The following PCDHGA4 variants were observed in gnomAD, a reference collection of about 807,000 sequenced individuals.
The protein encoded by PCDHGA4 is protocadherin gamma-A4.
Under a neutral mutation model 54.6 loss-of-function variants are expected in PCDHGA4, and 38 were observed. That is an observed-to-expected ratio of 0.70 (90% confidence interval 0.54 to 0.91). The LOEUF is 0.91. Ranked by LOEUF, PCDHGA4 falls within the 40% of genes least tolerant of loss-of-function variation. The pLI is 0.00. For missense variants in PCDHGA4, 1,298 were observed against 1,220.9 expected (o/e 1.06, Z -0.94); for synonymous variants, 511 against 512.9 (o/e 1.00, Z 0.05).
In PCDHGA4 at chr5:141,511,335, A is replaced by T; in HGVS notation, c.*162A>T. 7.0e-7 allele frequency: 1 copy of T among 1,438,820 alleles called. No homozygotes were observed. The highest frequency in any genetic ancestry group is 9.2e-7 in the Non-Finnish European group (1 of 1,083,596). The allele number at this position is 1,438,820 out of a possible 1,614,324, so 89.1% of individuals were successfully genotyped here. A position where few individuals can be genotyped will look rare whatever the true frequency, so the allele number is the denominator to read the frequency against. On this transcript the variant is annotated 3_prime_UTR_variant, in exon 4 of 4. Coordinates refer to ENST00000571252, the MANE Select transcript of PCDHGA4 (RefSeq NM_018917.4). ...AAACAGAAACAAGTGCCCAGTCAGC[A>T]CCTACCCCTTCCCCCCCAGGGGGTT...
intron 1 of PCDHGA4, chr5:141,440,968 T>A (rs1487107428): frequency 6.6e-6 from 1 of 152,198 alleles, no homozygotes; most frequent in African/African-American, 2.4e-5. Flanking sequence ...AGATCACATA[T>A]GGCTTCACAA....
intron 1 of PCDHGA4, chr5:141,366,262 G>A: frequency 6.2e-7 from 1 of 1,613,718 alleles, no homozygotes; most frequent in Non-Finnish European, 8.5e-7. Flanking sequence ...GCCTCGTGGT[G>A]GCCGTCGAAG....
chr5:141,408,636 C>T (rs1236637669), intron 1 of PCDHGA4: 2 of 1,614,024 alleles, frequency 1.2e-6, no homozygotes. Flanking sequence ...ATTTTCGAAT[C>T]TGCATCCGCT....
intron 1 of PCDHGA4, chr5:141,442,491 T>G (rs1438583747): frequency 6.6e-6 from 1 of 152,236 alleles, no homozygotes; most frequent in Non-Finnish European, 1.5e-5. Flanking sequence ...AGGGGATGAT[T>G]GTGATTATTC....
At chr5:141,394,801 C>A in intron 1 of PCDHGA4, 2 of 1,613,838 alleles carry the variant, frequency 1.2e-6, no homozygotes, top group Non-Finnish European at 1.7e-6. Flanking sequence ...CTCACCGTAG[C>A]CGTGGCTGAC....
intron 1 of PCDHGA4, chr5:141,419,364 C>T (rs1360235541): frequency 1.1e-5 from 18 of 1,613,690 alleles, no homozygotes; most frequent in Non-Finnish European, 1.3e-5. Flanking sequence ...CGAACGCTGT[C>T]GTCCTACGTG....
intron 1 of PCDHGA4, chr5:141,362,449 C>G: frequency 6.2e-7 from 1 of 1,614,006 alleles, no homozygotes; most frequent in Non-Finnish European, 8.5e-7. Context: ...GAACATAACC[C>G]CGGAATTGGT....
chr5:141,398,691 T>C, intron 1 of PCDHGA4: 1 of 1,613,876 alleles, frequency 6.2e-7, no homozygotes, highest in Non-Finnish European at 8.5e-7. Flanking sequence ...AACAGGATGG[T>C]AGTAAATACC....
Position 141,489,169 on chromosome 5 carries a change from C to T in PCDHGA4, c.2515-5638C>T. On this transcript the variant is annotated intron_variant, in intron 1 of 3. Coordinates refer to ENST00000571252, the MANE Select transcript of PCDHGA4 (RefSeq NM_018917.4). This position sits in a 1 kb window ranked among gnomAD's most constrained non-coding sequence, Gnocchi z 4.5. ...GAGACATAAGAGACTTCAGCTGCTG[C>T]ATTCCAAGCCCTGGGTCTACCTTGG... 3 of 1,124,648 alleles carry T rather than the reference C, an allele frequency of 2.7e-6. No individual in the cohort carries two copies. The highest frequency in any genetic ancestry group is 3.8e-6 in the Non-Finnish European group (3 of 783,910). The allele number at this position is 1,124,648 out of a possible 1,614,324, so 69.7% of individuals were successfully genotyped here. A position where few individuals can be genotyped will look rare whatever the true frequency, so the allele number is the denominator to read the frequency against.
At chr5:141,497,479 G>A (rs1028715475) in intron 2 of PCDHGA4, among the ~76,000 whole-genome samples, 5 of 151,886 alleles carry the variant, frequency 3.3e-5, no homozygotes, top group Non-Finnish European at 7.4e-5. Flanking sequence ...GAGAAGGTGC[G>A]GAACCTCTCT....
intron 1 of PCDHGA4, chr5:141,413,247 CGGGATTCCAT>C: frequency 6.2e-7 from 1 of 1,613,940 alleles, no homozygotes; most frequent in South Asian, 1.1e-5. Flanking sequence ...GCCTTTTCTT[CGGGATTCCAT>C]GGGAGGCTGG....
Position 141,356,927 on chromosome 5 carries a change from A to G in PCDHGA4, c.1820A>G (p.Glu607Gly), listed in dbSNP as rs370703774. The G allele has an allele frequency of 5.0e-6, 8 of 1,614,044 alleles. No homozygotes were observed. The highest frequency in any genetic ancestry group is 1.1e-5 in the South Asian group (1 of 91,086). Residue 607 changes from glutamate to glycine, a missense_variant, in exon 1 of 4, where the codon GAG becomes GGG. Coordinates refer to ENST00000571252, the MANE Select transcript of PCDHGA4 (RefSeq NM_018917.4). ...TFPTDGSTGV[E>G]LAPRSADSGY... Reference sequence around the variant, plus strand: ...CCTACTGATGGCTCCACTGGTGTGGAGCTGGCACCCCGCTCCGCAGATTCC... The same window carrying G: ...CCTACTGATGGCTCCACTGGTGTGGGGCTGGCACCCCGCTCCGCAGATTCC...
At chr5:141,372,216 A>G (rs1768504235) in intron 1 of PCDHGA4, 8 of 1,613,520 alleles carry the variant, frequency 5.0e-6, no homozygotes, top group Non-Finnish European at 5.1e-6. Flanking sequence ...GTCCTACCAC[A>G]TTGTGCAGGC....
At position 141,486,735 on chromosome 5, in the gene PCDHGA4, G is replaced by T; in HGVS notation, c.2515-8072G>T. 6.2e-7 allele frequency: 1 copy of T among 1,614,176 alleles called. No individual in the cohort carries two copies. The highest frequency in any genetic ancestry group is 1.1e-5 in the South Asian group (1 of 91,086). On this transcript the variant is annotated intron_variant, in intron 1 of 3. Coordinates refer to ENST00000571252, the MANE Select transcript of PCDHGA4 (RefSeq NM_018917.4). The surrounding 1 kb of genome is among the most constrained non-coding windows in gnomAD (Gnocchi z 5.0). Reference sequence around the variant, plus strand: ...CAGACAGGAGCTGTTCATGCTACTCGATCCTTTGACTATGAGCAAACCCAG... The same window carrying T: ...CAGACAGGAGCTGTTCATGCTACTCTATCCTTTGACTATGAGCAAACCCAG...
intron 1 of PCDHGA4, among the ~76,000 whole-genome samples, chr5:141,456,765 C>A (rs1468235444): frequency 2.0e-5 from 3 of 151,852 alleles, no homozygotes; most frequent in Non-Finnish European, 2.9e-5. Context: ...GAGTTTGAGA[C>A]CAGCCTGGCC....
intron 1 of PCDHGA4, chr5:141,385,530 A>T (rs1020257746): frequency 2.5e-4 from 336 of 1,356,078 alleles, no homozygotes; most frequent in Non-Finnish European, 2.9e-4. Flanking sequence ...GGACAAGATT[A>T]TGAATATGTG....
rs749528675 is a variant in PCDHGA4, at chr5:141,490,604, A to G, written c.2515-4203A>G. On this transcript the variant is annotated intron_variant, in intron 1 of 3. Coordinates refer to ENST00000571252, the MANE Select transcript of PCDHGA4 (RefSeq NM_018917.4). This position sits in a 1 kb window ranked among gnomAD's most constrained non-coding sequence, Gnocchi z 5.4. ...GTCAATGACAATGCACCCCGCTTCA[A>G]CCAGCAGCTTTACACTGCTTACATC... is the stretch of plus-strand genomic sequence containing the variant. 13 of 1,614,192 alleles carry G rather than the reference A, an allele frequency of 8.1e-6. No homozygotes were observed. Among genetic ancestry groups the G allele is most frequent in the Non-Finnish European group, 1.1e-5 (13 of 1,180,022 alleles).
Position 141,356,057 on chromosome 5 carries a change from A to T in PCDHGA4, c.950A>T (p.Asp317Val). 6.2e-7 allele frequency: 1 copy of T among 1,613,942 alleles called. No homozygotes were observed. The highest frequency in any genetic ancestry group is 1.6e-4 in the Middle Eastern group (1 of 6,062). Reference protein sequence around the residue: ...DVTYSFRKVRDKISQLFQLNS... With the variant: ...DVTYSFRKVRVKISQLFQLNS... ...ACGTATTCTTTCCGGAAAGTAAGAGACAAAATATCACAGCTATTTCAGTTG... is the reference window on the plus strand; with the variant it reads ...ACGTATTCTTTCCGGAAAGTAAGAGTCAAAATATCACAGCTATTTCAGTTG... The change falls in exon 1 of 4, where the codon GAC (aspartate) becomes GTC (valine). Residue 317 changes from aspartate (D) to valine (V), a missense_variant. By Grantham distance (152) the Asp-to-Val change is radical (BLOSUM62 -3). Transcript: ENST00000571252.
rs764039295 is a variant in PCDHGA4 at position 141,374,747 on chromosome 5, C to T, written c.2514+17126C>T. The T allele has an allele frequency of 3.7e-6, 6 of 1,612,022 alleles. No homozygotes were observed. Among genetic ancestry groups the T allele is most frequent in the East Asian group, 4.5e-5 (2 of 44,822 alleles). On this transcript the variant is annotated intron_variant, in intron 1 of 3. Transcript: ENST00000571252. ...TGCCATGGATGGCGGCGACCCTGTC[C>T]GCTCAAGCGTCGCCCAAATTCTGGT... is the stretch of plus-strand genomic sequence containing the variant.
Sources: gnomAD v4.1 joint callset for allele counts (sites outside exome capture counted in the v4.1 genomes callset) on GRCh38, gnomAD v4.1.1 for gene constraint, Gnocchi (gnomAD v3.1) non-coding constraint, MANE v1.5 for transcripts, NCBI Gene and HGNC (gene_info 2026-07-23, HGNC 2026-07-21) for gene names.